The following SRPK2 variants were observed in gnomAD, a reference collection of about 807,000 sequenced individuals.
SRPK2 encodes the protein SFRS protein kinase 2.
Under a neutral mutation model 90.8 loss-of-function variants are expected in SRPK2, and 21 were observed. That is an observed-to-expected ratio of 0.23 (90% CI 0.16 to 0.33). The LOEUF (loss-of-function observed/expected upper bound fraction) is 0.33, where lower values mean the gene tolerates loss of function less well. Among genes scored for constraint, SRPK2 ranks in the 10% least tolerant of loss-of-function variants. SRPK2 has a pLI of 1.00. For missense variants in SRPK2, 620 were observed against 869.0 expected, an observed-to-expected ratio of 0.71 and a Z score of 3.60; for synonymous variants, 288 against 311.1, an observed-to-expected ratio of 0.93 and a Z score of 0.78.
chr7:105,335,118 CCGAGATCGCACCAATG>C (rs1814940559), intron 2 of SRPK2, among the ~76,000 whole-genome samples: 1 of 152,114 alleles, frequency 6.6e-6, no homozygotes, highest in Non-Finnish European at 1.5e-5. Flanking sequence ...CTACAGTGAG[CCGAGATCGCACCAATG>C]CACTCCAGCC....
chr7:105,335,629 G>A lies in SRPK2; in HGVS notation c.71+53019C>T, dbSNP rs571186810. Among the ~76,000 whole-genome samples the A allele has an allele frequency of 2.5e-3, 368 of 148,984 alleles. 1 individual carries two copies. Among genetic ancestry groups the A allele is most frequent in the African/African-American group, 8.7e-3 (353 of 40,516 alleles). ...ATGGTGCCACTGCACTCCAGCCCGGGTGACAGAACAAGACCATCTTTTAAA... is the reference window on the plus strand; with the variant it reads ...ATGGTGCCACTGCACTCCAGCCCGGATGACAGAACAAGACCATCTTTTAAA... On this transcript the variant is annotated intron_variant, in intron 2 of 15. Transcript: ENST00000393651.
intron 3 of SRPK2, among the ~76,000 whole-genome samples, chr7:105,193,500 T>G (rs1794553426): frequency 6.6e-6 from 1 of 152,240 alleles, no homozygotes; most frequent in Admixed American, 6.5e-5. Context: ...TGCTTAGTCT[T>G]GCTTTGACTA....
intron 2 of SRPK2, among the ~76,000 whole-genome samples, chr7:105,315,876 T>C (rs12705305): frequency 0.17 from 25,340 of 152,072 alleles, 2,773 homozygotes; most frequent in East Asian, 0.58. Flanking sequence ...GATTCTATGA[T>C]GGTTTTCCTC....
At chr7:105,198,809 C>A (rs1400445063) in intron 3 of SRPK2, among the ~76,000 whole-genome samples, 1 of 152,098 alleles carries the variant, frequency 6.6e-6, no homozygotes, top group East Asian at 1.9e-4. Flanking sequence ...ATTATCATAT[C>A]ATAGATGAAA....
chr7:105,315,139 G>A (rs979005797), intron 2 of SRPK2, among the ~76,000 whole-genome samples: 5 of 152,062 alleles, frequency 3.3e-5, no homozygotes, highest in African/African-American at 1.2e-4. Flanking sequence ...ACTTATAAAG[G>A]AGCCTAGAAT....
upstream of SRPK2, among the ~76,000 whole-genome samples, chr7:105,392,920 C>T (rs536122540): frequency 2.0e-5 from 3 of 150,574 alleles, no homozygotes; most frequent in African/African-American, 4.9e-5. Flanking sequence ...TCAAACAATT[C>T]TCCTCCCTCA....
chr7:105,353,371 C>G (rs1421213697), intron 2 of SRPK2, among the ~76,000 whole-genome samples: 1 of 151,864 alleles, frequency 6.6e-6, no homozygotes, highest in Non-Finnish European at 1.5e-5. Flanking sequence ...AAACAGTCTC[C>G]CTCTGTCACC....
intron 2 of SRPK2, among the ~76,000 whole-genome samples, chr7:105,254,271 G>T (rs1440814615): frequency 2.6e-5 from 4 of 152,154 alleles, no homozygotes; most frequent in Non-Finnish European, 5.9e-5. Context: ...AACACTATCT[G>T]GAATATTCTT....
intron 1 of SRPK2, among the ~76,000 whole-genome samples, chr7:105,396,329 C>T (rs1207291556): frequency 6.6e-6 from 1 of 151,604 alleles, no homozygotes; most frequent in African/African-American, 2.4e-5. Context: ...TGAGACCATA[C>T]ATCTTAAAAA....
At chr7:105,232,511 C>G (rs1340899240) in intron 2 of SRPK2, among the ~76,000 whole-genome samples, 2 of 138,716 alleles carry the variant, frequency 1.4e-5, no homozygotes, top group Non-Finnish European at 3.1e-5. Context: ...TTTTTAAGTA[C>G]AAAAGTAAAA....
chr7:105,166,660 T>C (rs1282496538), intron 6 of SRPK2, among the ~76,000 whole-genome samples: 1 of 152,224 alleles, frequency 6.6e-6, no homozygotes, highest in Non-Finnish European at 1.5e-5. Context: ...AAAGGTATTT[T>C]CGATCAAGCA....
At chr7:105,298,767 G>A (rs989823938) in intron 2 of SRPK2, 1 of 985,550 alleles carries the variant, frequency 1.0e-6, no homozygotes, top group Non-Finnish European at 1.2e-6. Flanking sequence ...AGAGGCACAG[G>A]GCCCACTCCA....
At position 105,185,816 on chromosome 7, in the gene SRPK2, T is replaced by C. The variant is rs73186008; in HGVS notation, c.230-16551A>G. Among the ~76,000 whole-genome samples, 264 of 152,236 alleles carry C rather than the reference T, an allele frequency of 1.7e-3. 2 individuals carry two copies. Among genetic ancestry groups the C allele is most frequent in the East Asian group, 0.013 (67 of 5,190 alleles). ...TCTAACTCATGCACCAACTTGTACA[T>C]ACTCCTTTGTTAGGCACCCAACATA... On this transcript the variant is annotated intron_variant, in intron 3 of 15. Coordinates refer to ENST00000393651, the MANE Select transcript of SRPK2 (RefSeq NM_182692.3).
intron 2 of SRPK2, among the ~76,000 whole-genome samples, chr7:105,362,585 T>A (rs1304975708): frequency 6.6e-6 from 1 of 151,968 alleles, no homozygotes; most frequent in South Asian, 2.1e-4. Flanking sequence ...AGGAACACTT[T>A]TAAACTGTTG....
rs1445673117 is a variant in SRPK2 at position 105,181,898 on chromosome 7, AG to A, written c.230-12634del. Among the ~76,000 whole-genome samples the A allele has an allele frequency of 5.2e-3, 383 of 73,710 alleles. 13 individuals are homozygous for A. Among genetic ancestry groups the A allele is most frequent in the South Asian group, 8.4e-3 (18 of 2,152 alleles). The allele number at this position is 73,710 out of a possible 152,430, so 48.4% of individuals were successfully genotyped here. On this transcript the variant is annotated intron_variant, in intron 3 of 15. Transcript: ENST00000393651. Reference sequence around the variant, plus strand: ...GATAAAAGTAAAAAAAAAAAAAAACAGAAAACACACACACAAAAACCAAATG... The same window carrying A: ...GATAAAAGTAAAAAAAAAAAAAAACAAAAACACACACACAAAAACCAAATG...
intron 2 of SRPK2, among the ~76,000 whole-genome samples, chr7:105,328,560 T>TC (rs1292679737): frequency 3.3e-5 from 1 of 30,338 alleles, no homozygotes; most frequent in African/African-American, 9.9e-5. Flanking sequence ...AGGCTCTGTC[T>TC]CAAAAAAAAA....
chr7:105,170,915 G>GAAA (rs1470875129), intron 3 of SRPK2, among the ~76,000 whole-genome samples: 11 of 77,244 alleles, frequency 1.4e-4, no homozygotes, highest in African/African-American at 3.4e-4. Flanking sequence ...AAGAAAGAAA[G>GAAA]GAGAAAGAAA....
At position 105,116,494 on chromosome 7, in the gene SRPK2, GATAA is replaced by G. The variant is rs1799640369; in HGVS notation, c.*1340_*1343del. 1.3e-5 allele frequency: 2 copies of G among 152,554 alleles called. No homozygotes were observed. Among genetic ancestry groups the G allele is most frequent in the African/African-American group, 4.8e-5 (2 of 41,446 alleles). The allele number at this position is 152,554 out of a possible 1,614,324, so 9.5% of individuals were successfully genotyped here. The stretch of plus-strand genomic sequence containing the variant: ...AATCTAGTTATTGCAAAGGCATATG[GATAA>G]ATGTTAATGGACAAAGTCAAAAACG... On this transcript the variant is annotated 3_prime_UTR_variant, in exon 16 of 16. Coordinates refer to ENST00000393651, the MANE Select transcript of SRPK2 (RefSeq NM_182692.3).
At chr7:105,299,484 A>G (rs1810260019) in intron 2 of SRPK2, among the ~76,000 whole-genome samples, 1 of 152,250 alleles carries the variant, frequency 6.6e-6, no homozygotes, top group Admixed American at 6.5e-5. Context: ...CAAAAGAAAC[A>G]TTAAGAAATT....
Sources: gnomAD v4.1 joint callset for allele counts (sites outside exome capture counted in the v4.1 genomes callset) on GRCh38, gnomAD v4.1.1 for gene constraint, MANE v1.5 for transcripts, NCBI Gene and HGNC (gene_info 2026-07-23, HGNC 2026-07-21) for gene names.